The following EPSTI1 variants were observed in gnomAD, a reference collection of about 807,000 sequenced individuals.
EPSTI1 encodes the protein epithelial stromal interaction 1.
Under a neutral mutation model 49.9 loss-of-function variants are expected in EPSTI1, and 66 were observed. The ratio of observed to expected loss-of-function variants is 1.32; its 90% CI spans 1.08 to 1.62. EPSTI1 has a LOEUF of 1.62. Ranked by LOEUF, EPSTI1 falls within the 40% of genes most tolerant of loss-of-function variation. The pLI, the probability that EPSTI1 is intolerant of heterozygous loss-of-function variation, is 0.00. For synonymous variants in EPSTI1, 137 were observed against 130.7 expected (o/e 1.05, Z -0.33); for missense variants, 394 against 365.5 (o/e 1.08, Z -0.64).
chr13:42,917,225 A>C (rs1027498792), intron 8 of EPSTI1, among the ~76,000 whole-genome samples: 1 of 152,124 alleles, frequency 6.6e-6, no homozygotes, highest in African/African-American at 2.4e-5. Context: ...GTTTAAAAAT[A>C]GCAGTGATGG....
intron 2 of EPSTI1, chr13:42,969,537 G>A (rs754507533): frequency 5.8e-5 from 13 of 226,040 alleles, no homozygotes; most frequent in Admixed American, 5.4e-5. Context: ...ATATTTTCAC[G>A]TCAATAAGAA....
At chr13:42,940,376 CT>C (rs1455600375) in intron 6 of EPSTI1, among the ~76,000 whole-genome samples, 1 of 152,214 alleles carries the variant, frequency 6.6e-6, no homozygotes, top group Non-Finnish European at 1.5e-5. Flanking sequence ...ATTATGTTCT[CT>C]TACCCTACCT....
chr13:42,946,345 T>A (rs895515444), intron 6 of EPSTI1, among the ~76,000 whole-genome samples: 1 of 152,130 alleles, frequency 6.6e-6, no homozygotes, highest in African/African-American at 2.4e-5. Flanking sequence ...AATTTAGAAA[T>A]AGGAAGACCC....
rs191312647 is a variant in EPSTI1, at chr13:42,968,228, C to T, written c.331+866G>A. On this transcript the variant is annotated intron_variant, in intron 3 of 10. Coordinates refer to ENST00000313624, the MANE Select transcript of EPSTI1 (RefSeq NM_033255.5). Reference sequence around the variant, plus strand: ...GCACAAAGGAGGCACTTGAGATTAGCCCTTTTCACGAAATACAGTGGGATG... The same window carrying T: ...GCACAAAGGAGGCACTTGAGATTAGTCCTTTTCACGAAATACAGTGGGATG... 1.1e-4 allele frequency among the ~76,000 whole-genome samples: 16 copies of T among 152,146 alleles called. No homozygotes were observed. The East Asian group carries it at 3.1e-3, about 29-fold the overall frequency.
intron 6 of EPSTI1, among the ~76,000 whole-genome samples, chr13:42,952,949 A>T (rs2039144841): frequency 6.6e-6 from 1 of 152,200 alleles, no homozygotes; most frequent in Non-Finnish European, 1.5e-5. Context: ...TGTCACAAAT[A>T]TGCTCACCCC....
At chr13:42,962,361 G>C (rs1287879432) in intron 5 of EPSTI1, among the ~76,000 whole-genome samples, 1 of 151,944 alleles carries the variant, frequency 6.6e-6, no homozygotes, top group African/African-American at 2.4e-5. Context: ...ATTTTCAATG[G>C]GAAGGGTCTA....
chr13:42,931,330 C>T (rs1183997459), intron 6 of EPSTI1, among the ~76,000 whole-genome samples: 1 of 151,502 alleles, frequency 6.6e-6, no homozygotes, highest in Admixed American at 6.6e-5. Flanking sequence ...CTCAGCCTCC[C>T]GAGTAGCTGG....
intron 8 of EPSTI1, among the ~76,000 whole-genome samples, chr13:42,908,239 C>T (rs1035209560): frequency 6.6e-6 from 1 of 152,046 alleles, no homozygotes; most frequent in Non-Finnish European, 1.5e-5. Context: ...TAATCCCCAC[C>T]CTTTGGGAGG....
At chr13:42,932,182 C>T (rs553212846) in intron 6 of EPSTI1, among the ~76,000 whole-genome samples, 2 of 152,212 alleles carry the variant, frequency 1.3e-5, no homozygotes, top group Admixed American at 1.3e-4. Context: ...ATCCTCCCAC[C>T]TCAGCCTCCC....
chr13:42,905,817 A>T (rs2037482118), intron 8 of EPSTI1, among the ~76,000 whole-genome samples: 1 of 152,260 alleles, frequency 6.6e-6, no homozygotes, highest in African/African-American at 2.4e-5. Flanking sequence ...GTTGCTAAAC[A>T]CAAAATTAAG....
intron 6 of EPSTI1, among the ~76,000 whole-genome samples, chr13:42,943,087 T>C (rs2038811465): frequency 6.6e-6 from 1 of 152,262 alleles, no homozygotes; most frequent in Non-Finnish European, 1.5e-5. Flanking sequence ...TTCCTCTTTC[T>C]TGGATTTACT....
intron 6 of EPSTI1, among the ~76,000 whole-genome samples, chr13:42,927,638 G>A (rs1161195600): frequency 6.6e-6 from 1 of 152,180 alleles, no homozygotes; most frequent in Non-Finnish European, 1.5e-5. Context: ...ATATTACTTA[G>A]GTAGAACATG....
intron 6 of EPSTI1, among the ~76,000 whole-genome samples, chr13:42,947,693 G>A (rs544961506): frequency 1.8e-4 from 27 of 152,356 alleles, no homozygotes; most frequent in African/African-American, 6.3e-4. Context: ...GGGGAGGTCA[G>A]TTGAGAGCAG....
intron 1 of EPSTI1, among the ~76,000 whole-genome samples, chr13:42,978,621 A>C (rs368336320): frequency 3.3e-5 from 5 of 152,214 alleles, no homozygotes; most frequent in African/African-American, 9.7e-5. Context: ...AGAAAATAAC[A>C]AATATTCTAT....
chr13:42,899,740 A>G (rs1027881163), intron 9 of EPSTI1, among the ~76,000 whole-genome samples: 1 of 152,216 alleles, frequency 6.6e-6, no homozygotes, highest in Non-Finnish European at 1.5e-5. Flanking sequence ...GGTGCTTATT[A>G]GCACTGTCCC....
chr13:42,904,418 A>C (rs930318372), intron 8 of EPSTI1, among the ~76,000 whole-genome samples: 2 of 152,362 alleles, frequency 1.3e-5, no homozygotes, highest in African/African-American at 4.8e-5. Context: ...TGTATTGACG[A>C]AAATCAGAAA....
intron 10 of EPSTI1, among the ~76,000 whole-genome samples, chr13:42,890,333 T>C (rs963542067): frequency 2.7e-4 from 41 of 149,404 alleles, no homozygotes; most frequent in African/African-American, 9.9e-4. Context: ...AGTCTCGCTC[T>C]GTCACCCAGG....
intron 6 of EPSTI1, among the ~76,000 whole-genome samples, chr13:42,930,071 C>G (rs1288198466): frequency 2.0e-5 from 3 of 152,178 alleles, no homozygotes; most frequent in Non-Finnish European, 4.4e-5. Context: ...TTAAGAACTA[C>G]TACAGTAGTA....
chr13:42,958,802 G>GCTGGGCA (rs2039354315), intron 5 of EPSTI1, among the ~76,000 whole-genome samples: 1 of 147,132 alleles, frequency 6.8e-6, no homozygotes, highest in South Asian at 2.2e-4. Flanking sequence ...GAAAAAAAAT[G>GCTGGGCA]CTGGGCATTG....
Sources: allele counts gnomAD v4.1 joint callset (sites outside exome capture counted in the v4.1 genomes callset), GRCh38; gene constraint gnomAD v4.1.1; transcripts MANE v1.5; gene names NCBI Gene and HGNC (gene_info 2026-07-23, HGNC 2026-07-21).